C3orf49: variants seen among roughly 807,000 people sequenced by gnomAD.
The protein encoded by C3orf49 is chromosome 3 open reading frame 49.
C3orf49 carries 27 observed loss-of-function variants against 13.3 expected under a neutral mutation model. The ratio of observed to expected loss-of-function variants is 2.02; its 90% CI spans 1.49 to 2.79. The LOEUF (loss-of-function observed/expected upper bound fraction) is 2.79, where lower values mean the gene tolerates loss of function less well. C3orf49 is among the 30% of genes most tolerant of loss of function. The pLI is 0.00. For missense variants in C3orf49, 242 were observed against 134.2 expected, an observed-to-expected ratio of 1.80 and a Z score of -3.97; for synonymous variants, 87 against 47.6, an observed-to-expected ratio of 1.83 and a Z score of -3.40.
chr3:63,780,510 G>A, the C3orf49 span, among the ~76,000 whole-genome samples: 2 of 152,136 alleles, frequency 1.3e-5, no homozygotes, highest in Non-Finnish European at 1.5e-5. Flanking sequence ...CCCAGTAATG[G>A]GATGGCTGGG....
chr3:63,812,055 G>A, the C3orf49 span, among the ~76,000 whole-genome samples: 1 of 152,110 alleles, frequency 6.6e-6, no homozygotes, highest in African/African-American at 2.4e-5. Context: ...CACCCAACTG[G>A]GGTGCCACTC....
chr3:63,843,318 A>G (rs73120900), intron 5 of C3orf49, among the ~76,000 whole-genome samples: 26,178 of 151,100 alleles, frequency 0.17, 2,823 homozygotes, highest in East Asian at 0.25. Flanking sequence ...GGGTTTAACC[A>G]TCTTGGCCAG....
chr3:63,843,756 C>G lies in C3orf49; in HGVS notation c.850-1267C>G, dbSNP rs141760389. 8.5e-3 allele frequency among the ~76,000 whole-genome samples: 1,286 copies of G among 152,154 alleles called. 18 individuals are homozygous for G. The highest frequency in any genetic ancestry group is 0.027 in the African/African-American group (1,131 of 41,532). On this transcript the variant is annotated intron_variant, in intron 5 of 6. Transcript: ENST00000295896. ...TCCACTAAAAATACAAAAATATTAGCCAGGCATGGTGGCTGGTGCCTGTAG... is the reference window on the plus strand; with the variant it reads ...TCCACTAAAAATACAAAAATATTAGGCAGGCATGGTGGCTGGTGCCTGTAG...
At chr3:63,794,172 T>TACACACAC in the C3orf49 span, among the ~76,000 whole-genome samples, 122 of 142,696 alleles carry the variant, frequency 8.5e-4, 1 homozygote, top group African/African-American at 2.8e-3. Flanking sequence ...TACACACACA[T>TACACACAC]ACACACACAC....
At chr3:63,831,578 C>T (rs1316324617) in intron 4 of C3orf49, 102 bp from the exon 5 acceptor site, 5 of 651,468 alleles carry the variant, frequency 7.7e-6, no homozygotes, top group South Asian at 5.2e-5. Flanking sequence ...GCAAAATGTC[C>T]GCCAGTTCCA....
At chr3:63,821,421 C>G (rs1183735897) in intron 1 of C3orf49, among the ~76,000 whole-genome samples, 1 of 151,964 alleles carries the variant, frequency 6.6e-6, no homozygotes, top group Non-Finnish European at 1.5e-5. Context: ...ATATTTAATA[C>G]AACGTAATAG....
At chr3:63,816,877 AT>A (rs1296336724), upstream of C3orf49, among the ~76,000 whole-genome samples, 1 of 140,568 alleles carries the variant, frequency 7.1e-6, no homozygotes, top group African/African-American at 2.7e-5. Context: ...TGTTCACGCC[AT>A]TCTCCTGCCT....
At chr3:63,780,055 A>C in the C3orf49 span, 1 of 152,160 alleles carries the variant, frequency 6.6e-6, no homozygotes, top group East Asian at 1.9e-4. Context: ...TTAGTTACAT[A>C]TGTATACGTG....
chr3:63,814,687 AAG>A (rs1701304396), upstream of C3orf49, among the ~76,000 whole-genome samples: 1 of 151,998 alleles, frequency 6.6e-6, no homozygotes. Flanking sequence ...GTGGTTGATA[AAG>A]AGAGTTGACT....
chr3:63,780,754 T>C, the C3orf49 span, among the ~76,000 whole-genome samples: 1 of 152,230 alleles, frequency 6.6e-6, no homozygotes, highest in African/African-American at 2.4e-5. Context: ...GATGAGCATT[T>C]TTTCATGTGT....
At chr3:63,788,139 G>T in the C3orf49 span, among the ~76,000 whole-genome samples, 1 of 152,160 alleles carries the variant, frequency 6.6e-6, no homozygotes, top group Non-Finnish European at 1.5e-5. Flanking sequence ...AATAACAACA[G>T]TGATAGCTAT....
At chr3:63,835,157 C>A (rs1346668636) in intron 5 of C3orf49, 1 of 1,613,312 alleles carries the variant, frequency 6.2e-7, no homozygotes. Flanking sequence ...TACTTACTTT[C>A]CAATGTTTGC....
At chr3:63,834,010 A>ATTTC in intron 5 of C3orf49, 1 of 838,730 alleles carries the variant, frequency 1.2e-6, no homozygotes, top group Non-Finnish European at 1.8e-6. Context: ...ATACATTCAT[A>ATTTC]CTTAAAAACA....
chr3:63,782,089 C>G, the C3orf49 span, among the ~76,000 whole-genome samples: 1 of 152,140 alleles, frequency 6.6e-6, no homozygotes, highest in Non-Finnish European at 1.5e-5. Flanking sequence ...TGTTGACCCT[C>G]AATACGGTTT....
At chr3:63,792,156 C>T in the C3orf49 span, among the ~76,000 whole-genome samples, 115 of 152,346 alleles carry the variant, frequency 7.5e-4, no homozygotes, top group African/African-American at 2.6e-3. Context: ...CTACCAGCTA[C>T]AGTATGTTAC....
chr3:63,834,076 C>T, intron 5 of C3orf49: 2 of 1,570,522 alleles, frequency 1.3e-6, no homozygotes, highest in South Asian at 2.2e-5. Context: ...ATTTTAAACA[C>T]ATTATGGTCA....
At chr3:63,830,981 C>A in intron 3 of C3orf49, 129 bp from the exon 4 acceptor site, 1 of 588,350 alleles carries the variant, frequency 1.7e-6, no homozygotes, top group Non-Finnish European at 3.0e-6. Context: ...GTCTGCAATC[C>A]AATATTGTTA....
At chr3:63,823,639 T>G (rs909322410) in intron 2 of C3orf49, 70 bp downstream of exon 2, 1 of 634,972 alleles carries the variant, frequency 1.6e-6, no homozygotes, top group African/African-American at 1.8e-5. Context: ...ATGGATTATC[T>G]TGCTACACCA....
intron 5 of C3orf49, among the ~76,000 whole-genome samples, chr3:63,840,286 A>G (rs1480240150): frequency 2.0e-5 from 3 of 152,208 alleles, no homozygotes; most frequent in Non-Finnish European, 4.4e-5. Flanking sequence ...ACTAGGAAAA[A>G]AAAATGAGAT....
Sources: allele counts gnomAD v4.1 joint callset (sites outside exome capture counted in the v4.1 genomes callset), GRCh38; gene constraint gnomAD v4.1.1; transcripts MANE v1.5; gene names NCBI Gene and HGNC (gene_info 2026-07-23, HGNC 2026-07-21).